Variants in COLEC12 observed in about 807,000 individuals in gnomAD.
COLEC12 encodes collectin-12.
COLEC12 carries 33 observed loss-of-function variants against 71.1 expected under a neutral mutation model. The ratio of observed to expected loss-of-function variants is 0.46; its 90% confidence interval spans 0.35 to 0.62. The LOEUF is 0.62. Among genes scored for constraint, COLEC12 ranks in the 20% least tolerant of loss-of-function variants. The pLI is 0.00. For synonymous variants in COLEC12, 350 were observed against 353.0 expected, an observed-to-expected ratio of 0.99 and a Z score of 0.10; for missense variants, 765 against 916.1, an observed-to-expected ratio of 0.84 and a Z score of 2.13.
intron 2 of COLEC12, among the ~76,000 whole-genome samples, chr18:435,921 C>T (rs1916394647): frequency 6.6e-6 from 1 of 152,198 alleles, no homozygotes; most frequent in Non-Finnish European, 1.5e-5. Context: ...ACTCAGACGG[C>T]ATTTCTGGCA....
At chr18:350,943 G>C (rs1355106912) in intron 3 of COLEC12, among the ~76,000 whole-genome samples, 1 of 141,082 alleles carries the variant, frequency 7.1e-6, no homozygotes, top group African/African-American at 2.7e-5. Context: ...CTGGGCAACA[G>C]AGCGAGACTC....
At chr18:359,907 AAG>A (rs1392736985) in intron 2 of COLEC12, among the ~76,000 whole-genome samples, 1 of 152,202 alleles carries the variant, frequency 6.6e-6, no homozygotes, top group Non-Finnish European at 1.5e-5. Flanking sequence ...CTTCAGTGAA[AAG>A]AGTTCTTCAG....
intron 2 of COLEC12, among the ~76,000 whole-genome samples, chr18:392,502 T>A (rs1011279614): frequency 6.6e-6 from 1 of 152,232 alleles, no homozygotes; most frequent in Non-Finnish European, 1.5e-5. Context: ...GTTATATAAA[T>A]ATGTAGGATT....
At chr18:336,867 T>C (rs893397433) in intron 5 of COLEC12, among the ~76,000 whole-genome samples, 37 of 151,558 alleles carry the variant, frequency 2.4e-4, no homozygotes, top group African/African-American at 8.0e-4. Flanking sequence ...GTCTCACTCT[T>C]TTTTTTTAGA....
chr18:492,018 T>C (rs886952630), intron 1 of COLEC12, among the ~76,000 whole-genome samples: 17 of 152,162 alleles, frequency 1.1e-4, no homozygotes, highest in African/African-American at 3.9e-4. Flanking sequence ...TCAGGATATT[T>C]TGTAGGGGGG....
intron 1 of COLEC12, among the ~76,000 whole-genome samples, chr18:494,575 C>A (rs184901127): frequency 1.2e-4 from 18 of 152,294 alleles, no homozygotes; most frequent in African/African-American, 4.1e-4. Flanking sequence ...TCGCCCAGCA[C>A]ACAGAAATGA....
intron 2 of COLEC12, among the ~76,000 whole-genome samples, chr18:382,444 G>A (rs950864601): frequency 4.6e-5 from 7 of 152,102 alleles, no homozygotes; most frequent in African/African-American, 1.7e-4. Context: ...CAACAGAGTA[G>A]GTTTTCCTAA....
chr18:466,385 T>C (rs1160012297), intron 2 of COLEC12, among the ~76,000 whole-genome samples: 1 of 152,210 alleles, frequency 6.6e-6, no homozygotes, highest in Non-Finnish European at 1.5e-5. Flanking sequence ...CTCCGCCTTC[T>C]CCCAACAGCT....
chr18:421,041 C>T (rs8095504), intron 2 of COLEC12, among the ~76,000 whole-genome samples: 35,899 of 152,158 alleles, frequency 0.24, 4,559 homozygotes, highest in Middle Eastern at 0.32. Flanking sequence ...CCTGCCTGGC[C>T]TTTCCCATGG....
intron 6 of COLEC12, 70 bp downstream of exon 6, chr18:334,672 T>C (rs1914063752): frequency 1.5e-6 from 2 of 1,325,748 alleles, no homozygotes; most frequent in Non-Finnish European, 2.0e-6. Flanking sequence ...GGCCACACAC[T>C]GGGGGTTGGC....
At chr18:367,917 T>A (rs533996320) in intron 2 of COLEC12, among the ~76,000 whole-genome samples, 2 of 152,228 alleles carry the variant, frequency 1.3e-5, no homozygotes, top group Admixed American at 6.5e-5. Flanking sequence ...AGTGAGATGC[T>A]GTCTCTACCA....
At position 346,659 on chromosome 18, in the gene COLEC12, T is replaced by C; in HGVS notation, c.963A>G (p.Ala321=). 1 of 1,614,246 alleles carries C rather than the reference T, an allele frequency of 6.2e-7. No individual in the cohort carries two copies. Among genetic ancestry groups the C allele is most frequent in the Non-Finnish European group, 8.5e-7 (1 of 1,180,026 alleles). The part of the protein sequence containing the change: ...LKDLQDLHKD[A]ENRTAIKFNQ... ...TGAACTTGATGGCTGTTCTATTCTC[T>C]GCATCTTTGTGTAAGTCCTGCAGGT... Residue 321 remains alanine (A), a synonymous_variant, in exon 5 of 10, where the codon GCA becomes GCG. Transcript: ENST00000400256. This position sits in a 1 kb window ranked among gnomAD's most constrained non-coding sequence, Gnocchi z 4.0.
In COLEC12 at chr18:454,276, A is replaced by T. The variant is rs1916820501; in HGVS notation, c.58+26431T>A. 2.0e-5 allele frequency among the ~76,000 whole-genome samples: 3 copies of T among 152,294 alleles called. No individual in the cohort carries two copies. The South Asian group carries it at 6.2e-4, about 32-fold the overall frequency. On this transcript the variant is annotated intron_variant, in intron 2 of 9. Coordinates refer to ENST00000400256, the MANE Select transcript of COLEC12 (RefSeq NM_130386.3). ...ACCTGAGGGACTTTTTACTTCCCAC[A>T]CACCATGAGGCTACGATGCGCTTCC... is the stretch of plus-strand genomic sequence containing the variant.
chr18:473,240 T>C lies in COLEC12; in HGVS notation c.58+7467A>G, dbSNP rs371371651. 7.2e-5 allele frequency among the ~76,000 whole-genome samples: 11 copies of C among 152,162 alleles called. No homozygotes were observed. In the South Asian group the frequency reaches 2.3e-3, roughly 32 times the overall value. ...AACACAAAGGGCCCCAGGGAGAACG[T>C]GAGAGAGAAAAAGAATCACTCCAGT... is the stretch of plus-strand genomic sequence containing the variant. On this transcript the variant is annotated intron_variant, in intron 2 of 9. Coordinates refer to ENST00000400256, the MANE Select transcript of COLEC12 (RefSeq NM_130386.3).
chr18:436,005 A>G (rs149868158), intron 2 of COLEC12, among the ~76,000 whole-genome samples: 170 of 152,310 alleles, frequency 1.1e-3, no homozygotes, highest in African/African-American at 3.9e-3. Context: ...TCTGGAGAGA[A>G]TTTAAGTCAG....
At position 495,849 on chromosome 18, in the gene COLEC12, C is replaced by G. The variant is rs200193045; in HGVS notation, c.7+4659G>C. Among the ~76,000 whole-genome samples the G allele has an allele frequency of 9.2e-5, 14 of 152,274 alleles. No individual in the cohort carries two copies. The East Asian group carries it at 1.2e-3, about 13-fold the overall frequency. On this transcript the variant is annotated intron_variant, in intron 1 of 9. Coordinates refer to ENST00000400256, the MANE Select transcript of COLEC12 (RefSeq NM_130386.3). ...TCTGAGCCTGAATACTGATCCCCCC[C>G]GCCACCAACTAGCTGGGTACCCTTA... is the stretch of plus-strand genomic sequence containing the variant.
chr18:481,561 A>G (rs1159870443), intron 1 of COLEC12, among the ~76,000 whole-genome samples: 2 of 152,136 alleles, frequency 1.3e-5, no homozygotes, highest in East Asian at 3.9e-4. Flanking sequence ...AAAATTAGCC[A>G]GATGTGGTGG....
At chr18:486,643 G>A (rs976704625) in intron 1 of COLEC12, among the ~76,000 whole-genome samples, 1 of 152,170 alleles carries the variant, frequency 6.6e-6, no homozygotes, top group African/African-American at 2.4e-5. Context: ...TGACTGACCC[G>A]TACACTCATG....
intron 5 of COLEC12, among the ~76,000 whole-genome samples, chr18:345,157 G>A (rs1039566979): frequency 5.3e-5 from 8 of 152,202 alleles, no homozygotes; most frequent in African/African-American, 1.7e-4. Context: ...CCCTAAGGGT[G>A]AGGACCGTTG....
Sources: allele counts gnomAD v4.1 joint callset (sites outside exome capture counted in the v4.1 genomes callset), GRCh38; gene constraint gnomAD v4.1.1; non-coding constraint Gnocchi (gnomAD v3.1); transcripts MANE v1.5; gene names NCBI Gene and HGNC (gene_info 2026-07-23, HGNC 2026-07-21).